The following ARHGEF3 variants were observed in gnomAD, a reference collection of about 807,000 sequenced individuals.
ARHGEF3 encodes 59.8 kDA protein.
In ARHGEF3, 28 loss-of-function variants were observed where a neutral mutation model predicts 63.2. That is an observed-to-expected ratio of 0.44 (90% CI 0.33 to 0.61). The LOEUF (loss-of-function observed/expected upper bound fraction) is 0.61. Ranked by LOEUF, ARHGEF3 falls within the 20% of genes least tolerant of loss-of-function variation. ARHGEF3 has a pLI of 0.03. For missense variants in ARHGEF3, 533 were observed against 659.3 expected, an observed-to-expected ratio of 0.81 and a Z score of 2.10; for synonymous variants, 266 against 254.2, an observed-to-expected ratio of 1.05 and a Z score of -0.44.
At chr3:56,978,968 C>A (rs1701223820) in intron 2 of ARHGEF3, among the ~76,000 whole-genome samples, 3 of 152,114 alleles carry the variant, frequency 2.0e-5, no homozygotes. Flanking sequence ...CCAGACTGGA[C>A]AAGAAAGTGA....
intron 1 of ARHGEF3, among the ~76,000 whole-genome samples, chr3:57,065,998 T>C (rs1200924239): frequency 1.3e-5 from 2 of 151,918 alleles, no homozygotes; most frequent in Non-Finnish European, 2.9e-5. Context: ...GGAGGATCAC[T>C]TGAGGCCAGG....
At chr3:56,793,566 G>C (rs151173646) in intron 1 of ARHGEF3, among the ~76,000 whole-genome samples, 1 of 152,132 alleles carries the variant, frequency 6.6e-6, no homozygotes. Flanking sequence ...GCTTCCCAAA[G>C]TGCTGGGATT....
At chr3:56,773,948 G>A (rs1478849240) in intron 1 of ARHGEF3, 132 bp from the exon 2 acceptor site, 6 of 710,912 alleles carry the variant, frequency 8.4e-6, no homozygotes, top group Admixed American at 7.8e-5. Context: ...AAAGTGTCAC[G>A]TCTCACTCTG....
chr3:56,967,239 C>CAT (rs933732057), intron 2 of ARHGEF3, among the ~76,000 whole-genome samples: 1 of 123,718 alleles, frequency 8.1e-6, no homozygotes, highest in African/African-American at 2.9e-5. Context: ...TTCTATTAGT[C>CAT]ATATATATAT....
At chr3:56,765,053 G>A (rs1012413853) in intron 2 of ARHGEF3, among the ~76,000 whole-genome samples, 4 of 151,954 alleles carry the variant, frequency 2.6e-5, no homozygotes, top group South Asian at 4.1e-4. Context: ...CACCGCACCC[G>A]GCCCAATATC....
chr3:57,017,007 C>G (rs1307893321), intron 2 of ARHGEF3, among the ~76,000 whole-genome samples: 2 of 114,824 alleles, frequency 1.7e-5, no homozygotes, highest in Admixed American at 8.9e-5. Context: ...TTCTCTCTGT[C>G]TCTCTCTCTC....
rs567793217 is a variant in ARHGEF3 at position 57,073,790 on chromosome 3, G to A, written c.-28+5436C>T. 49 of 1,614,214 alleles carry A rather than the reference G, an allele frequency of 3.0e-5. No individual in the cohort carries two copies. The South Asian group carries it at 5.2e-4, about 17-fold the overall frequency. On this transcript the variant is annotated intron_variant, in intron 1 of 12. Coordinates refer to the ARHGEF3 transcript ENST00000338458. ...TAGACTCTTCCAGACTCGTTCCATG[G>A]CCACCCAGAGGCCTTGGGTCATCCA...
chr3:56,802,061 C>T (rs1702154317), upstream of ARHGEF3: 15 of 1,293,834 alleles, frequency 1.2e-5, no homozygotes, highest in Non-Finnish European at 1.5e-5. Flanking sequence ...CCACGTGCCG[C>T]AGCGCGGACA....
intron 2 of ARHGEF3, among the ~76,000 whole-genome samples, chr3:56,978,884 A>G (rs1457168943): frequency 6.6e-6 from 1 of 152,226 alleles, no homozygotes; most frequent in Admixed American, 6.5e-5. Context: ...GGCTGGGTAC[A>G]GTGGCTCACA....
At chr3:56,788,658 T>C (rs936082622) in intron 1 of ARHGEF3, among the ~76,000 whole-genome samples, 1 of 151,982 alleles carries the variant, frequency 6.6e-6, no homozygotes, top group Non-Finnish European at 1.5e-5. Flanking sequence ...GTGTCCGTGG[T>C]TGGCACTTGG....
chr3:57,033,397 A>G (rs1703812671), intron 2 of ARHGEF3, among the ~76,000 whole-genome samples: 2 of 149,398 alleles, frequency 1.3e-5, no homozygotes, highest in South Asian at 4.3e-4. Context: ...CTGTGGATAT[A>G]CTATTCACTT....
At chr3:56,898,625 G>A in intron 3 of ARHGEF3, 1 of 277,210 alleles carries the variant, frequency 3.6e-6, no homozygotes, top group Non-Finnish European at 8.0e-6. Context: ...CTTCTGGGGT[G>A]ATCCCTGGAA....
intron 2 of ARHGEF3, among the ~76,000 whole-genome samples, chr3:57,018,285 A>C: frequency 6.6e-6 from 1 of 151,254 alleles, no homozygotes; most frequent in African/African-American, 2.5e-5. Context: ...TCACAAAAAA[A>C]AAAAAAAAAA....
chr3:56,824,629 G>T (rs1015429866), intron 4 of ARHGEF3, among the ~76,000 whole-genome samples: 3 of 152,202 alleles, frequency 2.0e-5, no homozygotes, highest in African/African-American at 7.2e-5. Flanking sequence ...AGGTCTCACA[G>T]CTCAATACTG....
chr3:56,875,306 C>T (rs1242714326), intron 4 of ARHGEF3, among the ~76,000 whole-genome samples: 4 of 152,148 alleles, frequency 2.6e-5, no homozygotes, highest in African/African-American at 9.7e-5. Context: ...GTCCCTTCCT[C>T]CCTGAAATTC....
At chr3:56,987,774 A>G (rs908195150) in intron 2 of ARHGEF3, among the ~76,000 whole-genome samples, 1 of 152,208 alleles carries the variant, frequency 6.6e-6, no homozygotes, top group Non-Finnish European at 1.5e-5. Context: ...CCTCAGGAAC[A>G]TGGACACCTC....
At chr3:57,002,481 A>ATATATATATATGT in intron 2 of ARHGEF3, among the ~76,000 whole-genome samples, 1 of 19,480 alleles carries the variant, frequency 5.1e-5, no homozygotes, top group African/African-American at 1.5e-4. Context: ...TATATATGTT[A>ATATATATATATGT]TATATATATA....
intron 1 of ARHGEF3, among the ~76,000 whole-genome samples, chr3:57,046,370 A>G (rs1232484041): frequency 6.6e-6 from 1 of 152,168 alleles, no homozygotes; most frequent in East Asian, 1.9e-4. Flanking sequence ...AATATCTCAT[A>G]GGTTCTGGCA....
Position 56,951,045 on chromosome 3 carries a change from G to T in ARHGEF3, c.129+7778C>A, listed in dbSNP as rs565013663. On this transcript the variant is annotated intron_variant, in intron 3 of 12. Transcript: ENST00000338458. ...ATCGCAAGGACAAAAAACCAAACAC[G>T]GCATGTTCTCACTCATAGGTGGGAA... Among the ~76,000 whole-genome samples the T allele has an allele frequency of 1.1e-3, 165 of 151,582 alleles. 2 individuals are homozygous for T. Among genetic ancestry groups the T allele is most frequent in the African/African-American group, 3.9e-3 (159 of 41,156 alleles).
Sources: gnomAD v4.1 joint callset for allele counts (sites outside exome capture counted in the v4.1 genomes callset) on GRCh38, gnomAD v4.1.1 for gene constraint, MANE v1.5 for transcripts, NCBI Gene and HGNC (gene_info 2026-07-23, HGNC 2026-07-21) for gene names.